Variants in MTG1 observed in about 807,000 individuals in gnomAD.
MTG1 encodes mitochondrial ribosome associated GTPase 1.
A neutral mutation model predicts 39.5 loss-of-function variants in MTG1; 30 were observed. That is an observed-to-expected ratio of 0.76 (90% CI 0.57 to 1.03). The LOEUF is 1.03. Ranked by LOEUF, MTG1 falls within the 50% of genes least tolerant of loss-of-function variation. MTG1 has a pLI of 0.00. For missense variants in MTG1, 513 were observed against 447.4 expected (o/e 1.15, Z -1.32); for synonymous variants, 217 against 179.0 (o/e 1.21, Z -1.69).
chr10:133,402,026 G>C lies in MTG1; in HGVS notation c.574-123G>C. 9.5e-7 allele frequency: 1 copy of C among 1,054,560 alleles called. No homozygotes were observed. The highest frequency in any genetic ancestry group is 1.4e-6 in the Non-Finnish European group (1 of 695,534). The allele number at this position is 1,054,560 out of a possible 1,614,324, so 65.3% of individuals were successfully genotyped here. On this transcript the variant is annotated intron_variant, in intron 7 of 10. Coordinates refer to ENST00000317502, the MANE Select transcript of MTG1 (RefSeq NM_138384.4). The surrounding 1 kb of genome is among the most constrained non-coding windows in gnomAD (Gnocchi z 4.7). Reference sequence around the variant, plus strand: ...GCTTGGTGAGAGTGACGCTGCCATGGGGTTGGGTCCCTGAGGCCTTCCTCG... The same window carrying C: ...GCTTGGTGAGAGTGACGCTGCCATGCGGTTGGGTCCCTGAGGCCTTCCTCG...
intron 9 of MTG1, among the ~76,000 whole-genome samples, chr10:133,405,588 ATTAT>A (rs1175470832): frequency 6.6e-6 from 1 of 152,182 alleles, no homozygotes; most frequent in Non-Finnish European, 1.5e-5. Context: ...TAGAACATGC[ATTAT>A]TTGTCTTTCT....
intron 10 of MTG1, among the ~76,000 whole-genome samples, chr10:133,419,796 C>G (rs1291174986): frequency 3.9e-5 from 6 of 152,164 alleles, no homozygotes; most frequent in Non-Finnish European, 8.8e-5. Context: ...GTGAGACCAG[C>G]CCTGCCGCGT....
intron 9 of MTG1, among the ~76,000 whole-genome samples, chr10:133,408,878 G>T (rs1271541713): frequency 1.3e-5 from 2 of 152,034 alleles, no homozygotes; most frequent in Non-Finnish European, 2.9e-5. Flanking sequence ...TATTTCTGTG[G>T]TATTGGTTGT....
chr10:133,402,592 C>A lies in MTG1; in HGVS notation c.671-100C>A. ...TCAGTGGCTGGCCTCTTCCTCACGG[C>A]ACGGTGTCTTTGGGCTAGGACTGGA... is the stretch of plus-strand genomic sequence containing the variant. On this transcript the variant is annotated intron_variant, in intron 8 of 10. Transcript: ENST00000317502. This position sits in a 1 kb window ranked among gnomAD's most constrained non-coding sequence, Gnocchi z 4.7. 9.1e-7 allele frequency: 1 copy of A among 1,094,306 alleles called. No individual in the cohort carries two copies. Among genetic ancestry groups the A allele is most frequent in the Non-Finnish European group, 1.3e-6 (1 of 750,726 alleles). 67.8% of individuals were successfully genotyped at this position (1,094,306 alleles called of 1,614,324 possible).
At chr10:133,418,815 G>T (rs2133518801) in intron 9 of MTG1, among the ~76,000 whole-genome samples, 1 of 152,316 alleles carries the variant, frequency 6.6e-6, no homozygotes, top group Middle Eastern at 3.4e-3. Flanking sequence ...CAAGGCTTAG[G>T]GTGGTGTTTG....
chr10:133,395,694 G>T lies in MTG1; in HGVS notation c.113-19G>T, dbSNP rs971357216. The stretch of plus-strand genomic sequence containing the variant: ...AAAGGTTGTGAGCCCCTTCGCTGAG[G>T]CGTCCTTCTGTTTTCCAGGGCTGAA... On this transcript the variant is annotated intron_variant, in intron 1 of 10. Transcript: ENST00000317502. The T allele has an allele frequency of 1.2e-5, 19 of 1,613,430 alleles. No homozygotes were observed. The highest frequency in any genetic ancestry group is 2.7e-5 in the African/African-American group (2 of 74,938).
At chr10:133,409,679 G>A (rs1465116142) in intron 9 of MTG1, among the ~76,000 whole-genome samples, 1 of 152,106 alleles carries the variant, frequency 6.6e-6, no homozygotes, top group African/African-American at 2.4e-5. Context: ...ATCAATGTTT[G>A]CTTTATATAT....
At chr10:133,401,757 C>T (rs1849881719) in intron 7 of MTG1, 167 bp downstream of exon 7, 8 of 735,908 alleles carry the variant, frequency 1.1e-5, no homozygotes, top group East Asian at 5.4e-5. Context: ...CCTTATTCCA[C>T]AGTCGTCATA....
chr10:133,419,460 G>C lies in MTG1; in HGVS notation c.753-20G>C. The C allele has an allele frequency of 1.3e-6, 2 of 1,568,562 alleles. No individual in the cohort carries two copies. Among genetic ancestry groups the C allele is most frequent in the Non-Finnish European group, 8.6e-7 (1 of 1,156,652 alleles). ...TGTCAGTGCTGGGCCCCCTGGTGCTGACCTGCAGCCTATGTGCAGGTACGT... is the reference window on the plus strand; with the variant it reads ...TGTCAGTGCTGGGCCCCCTGGTGCTCACCTGCAGCCTATGTGCAGGTACGT... On this transcript the variant is annotated intron_variant, in intron 9 of 10. Coordinates refer to ENST00000317502, the MANE Select transcript of MTG1 (RefSeq NM_138384.4).
chr10:133,402,939 C>CTA lies in MTG1; in HGVS notation c.752+166_752+167insTA, dbSNP rs1849908583. The CTA allele has an allele frequency of 7.0e-6, 4 of 570,248 alleles. No homozygotes were observed. The highest frequency in any genetic ancestry group is 1.2e-5 in the Non-Finnish European group (4 of 323,714). 35.3% of individuals were successfully genotyped at this position (570,248 alleles called of 1,614,324 possible). ...GGACAAGTTCGGGAGTATGGCTATA[C>CTA]GTCTGTGAAAGCAACACACAATCAA... On this transcript the variant is annotated intron_variant, in intron 9 of 10. Coordinates refer to ENST00000317502, the MANE Select transcript of MTG1 (RefSeq NM_138384.4). The surrounding 1 kb of genome is among the most constrained non-coding windows in gnomAD (Gnocchi z 4.7).
intron 9 of MTG1, among the ~76,000 whole-genome samples, chr10:133,412,276 T>C (rs1057136672): frequency 1.3e-5 from 2 of 152,216 alleles, no homozygotes; most frequent in African/African-American, 4.8e-5. Flanking sequence ...ATTCCCTCTA[T>C]TAACTCTTCG....
rs113273641 is a variant in MTG1 at position 133,414,901 on chromosome 10, C to T, written c.753-4579C>T. Among the ~76,000 whole-genome samples, 1,519 of 152,366 alleles carry T rather than the reference C, an allele frequency of 1.0e-2. 16 individuals carry two copies. The highest frequency in any genetic ancestry group is 0.036 in the South Asian group (172 of 4,832). On this transcript the variant is annotated intron_variant, in intron 9 of 10. Transcript: ENST00000317502. ...ATTGAGCACTGAGTGAACGAGACTC[C>T]GTCTGCAATCCCTGCACCTCGGGAG...
At position 133,405,817 on chromosome 10, in the gene MTG1, G is replaced by C. The variant is rs181063289; in HGVS notation, c.752+3044G>C. ...AGCATGGGAGTGCAGTATTTCTTCA[G>C]TATATTGATTTCCATTCTTTTGGGT... On this transcript the variant is annotated intron_variant, in intron 9 of 10. Coordinates refer to ENST00000317502, the MANE Select transcript of MTG1 (RefSeq NM_138384.4). Among the ~76,000 whole-genome samples the C allele has an allele frequency of 2.4e-3, 365 of 152,312 alleles. 1 individual carries two copies. The highest frequency in any genetic ancestry group is 8.5e-3 in the African/African-American group (353 of 41,556).
intron 1 of MTG1, chr10:133,394,867 A>G: frequency 4.4e-6 from 2 of 455,932 alleles, no homozygotes; most frequent in Non-Finnish European, 5.8e-6. Context: ...AGGTGTTGTG[A>G]TGGCCACTCC....
intron 9 of MTG1, among the ~76,000 whole-genome samples, chr10:133,415,431 G>C (rs1047352083): frequency 1.3e-5 from 2 of 152,324 alleles, no homozygotes; most frequent in East Asian, 1.9e-4. Flanking sequence ...TTTTCTCTAC[G>C]TGTAGAATTC....
rs1314513831 is a variant in MTG1, at chr10:133,394,264, C to G, written c.44C>G (p.Ala15Gly). ...PRALCSAAQAAWRENFPLCGR... is the reference protein window; with the variant it reads ...PRALCSAAQAGWRENFPLCGR... ...GCGCTGTGCAGCGCCGCCCAGGCCG[C>G]CTGGCGGGAGAACTTCCCCCTGTGC... The change falls in exon 1 of 11, where the codon GCC becomes GGC. Residue 15 changes from alanine to glycine, a missense_variant. Physicochemically the swap from Ala to Gly is moderately conservative, Grantham distance 60. Coordinates refer to ENST00000317502, the MANE Select transcript of MTG1 (RefSeq NM_138384.4). 4 of 1,517,458 alleles carry G rather than the reference C, an allele frequency of 2.6e-6. No homozygotes were observed. Among genetic ancestry groups the G allele is most frequent in the Non-Finnish European group, 2.6e-6 (3 of 1,137,334 alleles). The allele number at this position is 1,517,458 out of a possible 1,614,324, so 94.0% of individuals were successfully genotyped here.
intron 9 of MTG1, among the ~76,000 whole-genome samples, chr10:133,403,404 C>T (rs529842726): frequency 6.6e-6 from 1 of 151,008 alleles, no homozygotes; most frequent in South Asian, 2.1e-4. Flanking sequence ...TGAGCGTTCC[C>T]GTCACCCCCA....
At chr10:133,412,863 A>G (rs1850067028) in intron 9 of MTG1, among the ~76,000 whole-genome samples, 2 of 151,868 alleles carry the variant, frequency 1.3e-5, no homozygotes, top group East Asian at 1.9e-4. Flanking sequence ...GTAATTTTCT[A>G]TTTGTACTAC....
In MTG1 at chr10:133,396,120, G is replaced by A. The variant is rs781402260; in HGVS notation, c.178-43G>A. 3.2e-6 allele frequency: 5 copies of A among 1,583,764 alleles called. No individual in the cohort carries two copies. The South Asian group carries it at 5.5e-5, about 18-fold the overall frequency. The stretch of plus-strand genomic sequence containing the variant: ...CTGATGGCAAGAAAAAAAGTTGGTT[G>A]GCTGGTAAAGCTTTGGAGGAATTTT... On this transcript the variant is annotated intron_variant, in intron 2 of 10. Coordinates refer to ENST00000317502, the MANE Select transcript of MTG1 (RefSeq NM_138384.4).
Sources: allele counts gnomAD v4.1 joint callset (sites outside exome capture counted in the v4.1 genomes callset), GRCh38; gene constraint gnomAD v4.1.1; non-coding constraint Gnocchi (gnomAD v3.1); transcripts MANE v1.5; gene names NCBI Gene and HGNC (gene_info 2026-07-23, HGNC 2026-07-21).